Variants in PCDH15 observed in about 807,000 individuals in gnomAD.
PCDH15 encodes the protein protocadherin-15.
In PCDH15, 129 loss-of-function variants were observed where a neutral mutation model predicts 178.5. The observed-to-expected ratio is 0.72, with a 90% CI of 0.63 to 0.84. PCDH15 has a LOEUF of 0.84. PCDH15 is among the 40% of genes least tolerant of loss of function. PCDH15 has a pLI of 0.00. For synonymous variants in PCDH15, 800 were observed against 732.0 expected, an observed-to-expected ratio of 1.09 and a Z score of -1.50; for missense variants, 2,230 against 2,099.9, an observed-to-expected ratio of 1.06 and a Z score of -1.21.
At chr10:55,104,246 T>C (rs912038148) in intron 2 of PCDH15, among the ~76,000 whole-genome samples, 7 of 152,104 alleles carry the variant, frequency 4.6e-5, no homozygotes, top group African/African-American at 1.4e-4. Context: ...AACCCATTCA[T>C]ACAAATATCT....
intron 2 of PCDH15, among the ~76,000 whole-genome samples, chr10:54,632,139 A>T (rs114127820): frequency 1.3e-5 from 2 of 152,148 alleles, no homozygotes; most frequent in African/African-American, 4.8e-5. Flanking sequence ...AGCAACATGG[A>T]TGCAGCTGGA....
intron 3 of PCDH15, among the ~76,000 whole-genome samples, chr10:54,445,818 T>A (rs2076109781): frequency 6.6e-6 from 1 of 151,636 alleles, no homozygotes; most frequent in South Asian, 2.1e-4. Context: ...TTATTTGTGT[T>A]TTTAGTCTTT....
chr10:53,805,902 A>AGAG lies in PCDH15; in HGVS notation c.*674_*676dup, dbSNP rs543693080. 64 of 152,288 alleles carry AGAG rather than the reference A, an allele frequency of 4.2e-4. No individual in the cohort carries two copies. Among genetic ancestry groups the AGAG allele is most frequent in the African/African-American group, 1.3e-3 (55 of 41,574 alleles). 9.4% of individuals were successfully genotyped at this position (152,288 alleles called of 1,614,324 possible). On this transcript the variant is annotated 3_prime_UTR_variant, in exon 38 of 38. Coordinates refer to ENST00000644397, the MANE Select transcript of PCDH15 (RefSeq NM_001384140.1). ...ATATTTGATATGAGATGAAGGGACA[A>AGAG]GAGAATATTGTAAATAATATTGATA...
intron 13 of PCDH15, among the ~76,000 whole-genome samples, chr10:54,170,256 C>A (rs1389311677): frequency 1.3e-5 from 1 of 74,698 alleles, no homozygotes; most frequent in African/African-American, 5.8e-5. Context: ...CAAACCACAG[C>A]AACTTCTACA....
intron 17 of PCDH15, among the ~76,000 whole-genome samples, chr10:54,078,320 G>A (rs1364870646): frequency 2.0e-5 from 3 of 151,572 alleles, no homozygotes; most frequent in Admixed American, 6.6e-5. Context: ...AACTATTCAG[G>A]TATCAATTTT....
intron 23 of PCDH15, among the ~76,000 whole-genome samples, chr10:53,958,204 T>C (rs2087828010): frequency 6.6e-6 from 1 of 152,192 alleles, no homozygotes; most frequent in Non-Finnish European, 1.5e-5. Context: ...AAATATTCAT[T>C]TTTCATTATC....
chr10:55,478,666 T>C (rs1033766961), intron 2 of PCDH15, among the ~76,000 whole-genome samples: 2 of 150,188 alleles, frequency 1.3e-5, no homozygotes, highest in Non-Finnish European at 3.0e-5. Flanking sequence ...AGAAAAAAAC[T>C]AAATAGATAA....
At chr10:54,604,743 T>C (rs1361624041) in intron 2 of PCDH15, among the ~76,000 whole-genome samples, 2 of 152,088 alleles carry the variant, frequency 1.3e-5, no homozygotes, top group South Asian at 4.1e-4. Flanking sequence ...ACATTTAAAG[T>C]AACTATTGAT....
intron 14 of PCDH15, among the ~76,000 whole-genome samples, chr10:54,151,999 A>C (rs1339081197): frequency 1.3e-5 from 2 of 152,202 alleles, no homozygotes; most frequent in Non-Finnish European, 2.9e-5. Flanking sequence ...GATCAAAATC[A>C]AAACACATAA....
At chr10:54,416,073 C>G (rs912227928) in intron 3 of PCDH15, among the ~76,000 whole-genome samples, 1 of 152,060 alleles carries the variant, frequency 6.6e-6, no homozygotes, top group South Asian at 2.1e-4. Context: ...AGGTGATTCT[C>G]CCACCTCAGC....
chr10:53,929,285 T>C (rs1406112984), intron 25 of PCDH15, among the ~76,000 whole-genome samples: 2 of 152,120 alleles, frequency 1.3e-5, no homozygotes, highest in Non-Finnish European at 2.9e-5. Flanking sequence ...TTTTATGCTA[T>C]GAGTCCACTG....
At chr10:54,138,904 GT>G (rs370708653) in intron 14 of PCDH15, among the ~76,000 whole-genome samples, 61 of 150,728 alleles carry the variant, frequency 4.0e-4, no homozygotes, top group African/African-American at 1.1e-3. Flanking sequence ...CATGTATTAC[GT>G]TTTTTTTTGT....
chr10:53,988,266 G>A (rs1170491675), intron 21 of PCDH15, among the ~76,000 whole-genome samples: 1 of 152,072 alleles, frequency 6.6e-6, no homozygotes, highest in Non-Finnish European at 1.5e-5. Context: ...GTACTCCTTG[G>A]TTTGATAACT....
chr10:54,651,242 T>G (rs1260385232), intron 2 of PCDH15, among the ~76,000 whole-genome samples: 3 of 152,096 alleles, frequency 2.0e-5, no homozygotes, highest in Non-Finnish European at 4.4e-5. Flanking sequence ...AAATTTAACA[T>G]TCCAATAATG....
chr10:55,191,227 A>G (rs1480872574), intron 1 of PCDH15, among the ~76,000 whole-genome samples: 1 of 119,186 alleles, frequency 8.4e-6, no homozygotes, highest in Non-Finnish European at 2.1e-5. Context: ...TTTTTGTGAC[A>G]TATCCTGTTA....
chr10:55,537,828 T>G (rs142143875), intron 2 of PCDH15, among the ~76,000 whole-genome samples: 1 of 152,194 alleles, frequency 6.6e-6, no homozygotes, highest in Non-Finnish European at 1.5e-5. Context: ...TTTCAGAGAT[T>G]TTACACCTGT....
chr10:54,191,885 C>T (rs1246192546), intron 11 of PCDH15, among the ~76,000 whole-genome samples: 2 of 149,484 alleles, frequency 1.3e-5, no homozygotes, highest in East Asian at 4.0e-4. Context: ...TGTGACGCTG[C>T]ACTCCAGCCT....
At chr10:54,455,574 T>A (rs2076763057) in intron 3 of PCDH15, among the ~76,000 whole-genome samples, 1 of 152,216 alleles carries the variant, frequency 6.6e-6, no homozygotes. Context: ...TTAGGGTATC[T>A]GGCAGAAAAA....
chr10:55,272,401 C>A (rs973219193), intron 1 of PCDH15, among the ~76,000 whole-genome samples: 1 of 148,274 alleles, frequency 6.7e-6, no homozygotes, highest in Non-Finnish European at 1.5e-5. Flanking sequence ...ATTTTATTTT[C>A]TTATTTATTT....
Sources: gnomAD v4.1 joint callset for allele counts (sites outside exome capture counted in the v4.1 genomes callset) on GRCh38, gnomAD v4.1.1 for gene constraint, MANE v1.5 for transcripts, NCBI Gene and HGNC (gene_info 2026-07-23, HGNC 2026-07-21) for gene names.